The following TRPC5 variants were observed in gnomAD, a reference collection of about 807,000 sequenced individuals.
TRPC5 encodes the protein short transient receptor potential channel 5.
Under a neutral mutation model 56.5 loss-of-function variants are expected in TRPC5, and 9 were observed. That is an observed-to-expected ratio of 0.16 (90% CI 0.10 to 0.28). The LOEUF (loss-of-function observed/expected upper bound fraction) is 0.28, where lower values mean the gene tolerates loss of function less well. TRPC5 is among the 10% of genes least tolerant of loss of function. The pLI, the probability that TRPC5 is intolerant of heterozygous loss-of-function variation, is 1.00. For synonymous variants in TRPC5, 282 were observed against 278.5 expected (o/e 1.01, Z -0.13); for missense variants, 469 against 748.9 (o/e 0.63, Z 4.36).
chrX:112,019,417 A>G (rs1010459069), intron 1 of TRPC5, among the ~76,000 whole-genome samples: 3 of 111,400 alleles, frequency 2.7e-5, no homozygotes, highest in Non-Finnish European at 3.8e-5. Context: ...TAAATATAAT[A>G]TAAAATAACT....
chrX:112,070,687 C>A (rs1184088330), intron 1 of TRPC5, among the ~76,000 whole-genome samples: 2 of 110,681 alleles, frequency 1.8e-5, no homozygotes, highest in Non-Finnish European at 3.8e-5. Flanking sequence ...CTCCTAGATT[C>A]TCAATCTTCA....
chrX:112,006,724 G>T (rs1291099432), intron 1 of TRPC5, among the ~76,000 whole-genome samples: 9 of 111,918 alleles, frequency 8.0e-5, no homozygotes, highest in Admixed American at 3.8e-4. Context: ...AGGCTGCGAG[G>T]TTTGGGTTTG....
intron 1 of TRPC5, among the ~76,000 whole-genome samples, chrX:112,003,376 T>C (rs890437306): frequency 7.2e-5 from 8 of 110,912 alleles, no homozygotes; most frequent in Admixed American, 9.7e-5. Flanking sequence ...AGTTAAATGA[T>C]CCATCAGAAA....
At chrX:111,816,810 G>A (rs1174032950) in intron 7 of TRPC5, among the ~76,000 whole-genome samples, 1 of 111,802 alleles carries the variant, frequency 8.9e-6, no homozygotes, top group Admixed American at 9.5e-5. Context: ...TGGAAGGAAG[G>A]TGGGGCCTTA....
At chrX:111,958,484 T>C (rs1463677043) in intron 1 of TRPC5, among the ~76,000 whole-genome samples, 2 of 112,086 alleles carry the variant, frequency 1.8e-5, no homozygotes, top group Non-Finnish European at 3.8e-5. Context: ...TCCCAATAAA[T>C]ATGTATTGAA....
intron 7 of TRPC5, among the ~76,000 whole-genome samples, chrX:111,821,644 T>C (rs2148570576): frequency 8.9e-6 from 1 of 112,251 alleles, no homozygotes; most frequent in Non-Finnish European, 1.9e-5. Flanking sequence ...ACATTTAGTT[T>C]TTAAACCTCA....
intron 1 of TRPC5, among the ~76,000 whole-genome samples, chrX:112,041,758 T>G (rs1038787093): frequency 2.7e-5 from 3 of 111,917 alleles, no homozygotes; most frequent in African/African-American, 6.5e-5. Context: ...CTTGCTGAAG[T>G]TTTGTTTGCC....
intron 1 of TRPC5, among the ~76,000 whole-genome samples, chrX:112,055,489 T>C (rs902176480): frequency 3.6e-5 from 4 of 111,198 alleles, no homozygotes; most frequent in Non-Finnish European, 7.5e-5. Context: ...TACTGCATTA[T>C]GAAAGATTGA....
Position 111,775,932 on chromosome X carries a change from G to A in TRPC5, c.*381C>T. ...TCAGCTCTGCGGGAAAATGGCATGA[G>A]ATTCTGAGGATGGTCAGGAATCTGT... On this transcript the variant is annotated 3_prime_UTR_variant, in exon 11 of 11. Coordinates refer to ENST00000262839, the MANE Select transcript of TRPC5 (RefSeq NM_012471.3). The A allele has an allele frequency of 7.5e-6, 1 of 134,112 alleles. No individual in the cohort carries two copies. Among genetic ancestry groups the A allele is most frequent in the Non-Finnish European group, 1.5e-5 (1 of 66,918 alleles). The allele number at this position is 134,112 out of a possible 1,213,427, so 11.1% of individuals were successfully genotyped here.
At chrX:111,983,138 A>T (rs1341612831) in intron 1 of TRPC5, among the ~76,000 whole-genome samples, 1 of 111,644 alleles carries the variant, frequency 9.0e-6, no homozygotes, top group Non-Finnish European at 1.9e-5. Flanking sequence ...ATCAAAAATA[A>T]TGCTGTGTGG....
chrX:111,968,626 C>T (rs1358873024), intron 1 of TRPC5, among the ~76,000 whole-genome samples: 2 of 109,369 alleles, frequency 1.8e-5, no homozygotes, highest in African/African-American at 6.7e-5. Context: ...ACATATACCC[C>T]ATGGAATACT....
intron 1 of TRPC5, among the ~76,000 whole-genome samples, chrX:112,027,842 AAT>A (rs1929462839): frequency 8.9e-6 from 1 of 112,156 alleles, no homozygotes; most frequent in African/African-American, 3.2e-5. Context: ...CATGTCTCAG[AAT>A]ATAGGTTGAT....
rs780238723 is a variant in TRPC5 at position 111,975,816 on chromosome X, A to G, written c.-21-23375T>C. ...CTACTCAGGAGGCTGAGGCAGGAGA[A>G]TGGAGCAAAGCGGAGAGGCGGAGCT... On this transcript the variant is annotated intron_variant, in intron 1 of 10. Coordinates refer to ENST00000262839, the MANE Select transcript of TRPC5 (RefSeq NM_012471.3). Among the ~76,000 whole-genome samples the G allele has an allele frequency of 2.7e-5, 3 of 112,276 alleles. No homozygotes were observed. The South Asian group carries it at 1.1e-3, about 42-fold the overall frequency.
At chrX:111,899,197 T>A (rs1376425513) in intron 3 of TRPC5, among the ~76,000 whole-genome samples, 2 of 110,625 alleles carry the variant, frequency 1.8e-5, no homozygotes, top group Non-Finnish European at 3.8e-5. Flanking sequence ...GGTCACTAAT[T>A]TTTTTTCCCA....
intron 3 of TRPC5, among the ~76,000 whole-genome samples, chrX:111,868,177 C>A (rs1194311682): frequency 9.0e-6 from 1 of 111,006 alleles, no homozygotes; most frequent in Non-Finnish European, 1.9e-5. Flanking sequence ...CTTGAGGAGG[C>A]AATGAAAAAA....
intron 7 of TRPC5, among the ~76,000 whole-genome samples, chrX:111,804,726 T>C (rs1442998853): frequency 1.8e-5 from 2 of 112,127 alleles, no homozygotes; most frequent in Non-Finnish European, 3.8e-5. Context: ...TTGCTGAAGT[T>C]GCTTATCAGC....
intron 1 of TRPC5, among the ~76,000 whole-genome samples, chrX:111,966,529 A>G (rs1434660468): frequency 8.9e-6 from 1 of 111,894 alleles, no homozygotes. Flanking sequence ...ACAACCAAAA[A>G]AGAGAATTTT....
chrX:111,856,835 A>C (rs1923251409), intron 3 of TRPC5, among the ~76,000 whole-genome samples: 1 of 108,141 alleles, frequency 9.2e-6, no homozygotes, highest in Non-Finnish European at 1.9e-5. Context: ...AAAAAAAAAA[A>C]ACCATAGGAT....
At chrX:111,837,482 T>A (rs1034694915) in intron 6 of TRPC5, among the ~76,000 whole-genome samples, 1 of 111,732 alleles carries the variant, frequency 8.9e-6, no homozygotes, top group Non-Finnish European at 1.9e-5. Flanking sequence ...TGAGTAGGAA[T>A]GTCATTCTGA....
Sources: allele counts gnomAD v4.1 joint callset (sites outside exome capture counted in the v4.1 genomes callset), GRCh38; gene constraint gnomAD v4.1.1; transcripts MANE v1.5; gene names NCBI Gene and HGNC (gene_info 2026-07-23, HGNC 2026-07-21).